Variants in PDE4D observed in about 807,000 individuals in gnomAD.
The protein encoded by PDE4D is 3',5'-cyclic-AMP phosphodiesterase 4D.
A neutral mutation model predicts 87.4 loss-of-function variants in PDE4D; 24 were observed. The ratio of observed to expected loss-of-function variants is 0.27; its 90% CI spans 0.20 to 0.39. The LOEUF is 0.39. PDE4D is among the 10% of genes least tolerant of loss of function. The pLI, the probability that PDE4D is intolerant of heterozygous loss-of-function variation, is 1.00. For missense variants in PDE4D, 714 were observed against 1,041.0 expected (o/e 0.69, Z 4.32); for synonymous variants, 384 against 383.2 (o/e 1.00, Z -0.02).
At chr5:60,231,548 A>G (rs1007321059) in intron 1 of PDE4D, among the ~76,000 whole-genome samples, 1 of 151,976 alleles carries the variant, frequency 6.6e-6, no homozygotes, top group Admixed American at 6.6e-5. Flanking sequence ...GATCCATTTA[A>G]GTTGGATTAT....
intron 1 of PDE4D, among the ~76,000 whole-genome samples, chr5:59,259,735 T>C (rs1206845652): frequency 6.6e-6 from 1 of 151,860 alleles, no homozygotes; most frequent in African/African-American, 2.4e-5. Flanking sequence ...ATGTTCTATT[T>C]ACCCATCAAA....
intron 5 of PDE4D, among the ~76,000 whole-genome samples, chr5:59,140,181 C>T (rs1256247114): frequency 6.6e-6 from 1 of 152,216 alleles, no homozygotes; most frequent in Non-Finnish European, 1.5e-5. Flanking sequence ...GGACATCATA[C>T]TTCTCAAGGG....
chr5:59,848,346 G>A (rs986400), intron 1 of PDE4D, among the ~76,000 whole-genome samples: 34,050 of 151,818 alleles, frequency 0.22, 4,892 homozygotes, highest in Admixed American at 0.34. Context: ...CTGTTTCATT[G>A]TCTTCATAGC....
chr5:59,176,434 A>G (rs1359790918), intron 5 of PDE4D, among the ~76,000 whole-genome samples: 1 of 152,006 alleles, frequency 6.6e-6, no homozygotes, highest in East Asian at 1.9e-4. Context: ...GGCATCTGTA[A>G]TCCCAGCTAC....
chr5:59,605,993 T>C lies in PDE4D; in HGVS notation c.455+287175A>G, dbSNP rs186036299. On this transcript the variant is annotated intron_variant, in intron 1 of 14. Coordinates refer to ENST00000340635, the MANE Select transcript of PDE4D (RefSeq NM_001104631.2). ...TTTAAAAATAAAATAGTACCTTCTT[T>C]TTCAGGGAGAACTATACTAAATAAG... Among the ~76,000 whole-genome samples, 21 of 152,146 alleles carry C rather than the reference T, an allele frequency of 1.4e-4. No homozygotes were observed. The East Asian group carries it at 4.1e-3, about 29-fold the overall frequency.
At chr5:59,721,975 C>G (rs996415870) in intron 1 of PDE4D, among the ~76,000 whole-genome samples, 1 of 152,108 alleles carries the variant, frequency 6.6e-6, no homozygotes, top group Non-Finnish European at 1.5e-5. Flanking sequence ...ACAAGCCCAG[C>G]CTTTTGACAG....
At chr5:59,162,760 T>G (rs1581136956) in intron 5 of PDE4D, among the ~76,000 whole-genome samples, 2 of 146,480 alleles carry the variant, frequency 1.4e-5, no homozygotes, top group Admixed American at 7.0e-5. Flanking sequence ...GAGGATGAGG[T>G]GGGAGGATTG....
At chr5:58,980,768 C>G (rs1270252458) in intron 11 of PDE4D, among the ~76,000 whole-genome samples, 1 of 152,114 alleles carries the variant, frequency 6.6e-6, no homozygotes, top group Non-Finnish European at 1.5e-5. Context: ...CTGTATTAAT[C>G]ATGGTTCTCC....
At chr5:59,661,791 A>G in intron 1 of PDE4D, among the ~76,000 whole-genome samples, 1 of 152,218 alleles carries the variant, frequency 6.6e-6, no homozygotes, top group Non-Finnish European at 1.5e-5. Context: ...TTCATTTCAC[A>G]CAGGAAAGAA....
intron 6 of PDE4D, among the ~76,000 whole-genome samples, chr5:59,027,907 T>G (rs776380117): frequency 6.6e-6 from 1 of 151,962 alleles, no homozygotes; most frequent in African/African-American, 2.4e-5. Flanking sequence ...TCTCGGCTGA[T>G]AGAGCAAGGA....
At chr5:59,770,957 C>A (rs1005691435) in intron 1 of PDE4D, among the ~76,000 whole-genome samples, 1 of 151,864 alleles carries the variant, frequency 6.6e-6, no homozygotes, top group Non-Finnish European at 1.5e-5. Flanking sequence ...CATAGCAAGA[C>A]CCCGTCTCTA....
At chr5:60,050,098 C>T (rs1181804774) in intron 2 of PDE4D, among the ~76,000 whole-genome samples, 1 of 152,214 alleles carries the variant, frequency 6.6e-6, no homozygotes, top group East Asian at 1.9e-4. Context: ...CAGAAAAGCG[C>T]AGTATTCAGG....
At chr5:59,514,225 C>A (rs1810767585) in intron 1 of PDE4D, among the ~76,000 whole-genome samples, 1 of 151,914 alleles carries the variant, frequency 6.6e-6, no homozygotes, top group Non-Finnish European at 1.5e-5. Flanking sequence ...CCTGCCTCAG[C>A]CTCCCGAGTA....
At chr5:60,286,469 A>G (rs763839823) in intron 1 of PDE4D, among the ~76,000 whole-genome samples, 3 of 151,858 alleles carry the variant, frequency 2.0e-5, no homozygotes, top group Non-Finnish European at 4.4e-5. Flanking sequence ...TAAATTGCCA[A>G]CTAGAGTAAG....
intron 1 of PDE4D, among the ~76,000 whole-genome samples, chr5:60,482,452 C>T (rs1468033282): frequency 2.6e-5 from 4 of 152,194 alleles, no homozygotes; most frequent in Non-Finnish European, 5.9e-5. Flanking sequence ...CCCAGCTTCC[C>T]TTTCACTATA....
At chr5:59,707,831 T>C (rs928476969) in intron 1 of PDE4D, among the ~76,000 whole-genome samples, 13 of 152,206 alleles carry the variant, frequency 8.5e-5, no homozygotes, top group African/African-American at 3.1e-4. Flanking sequence ...GGTGTGTATG[T>C]ACCACATTTT....
At chr5:60,121,726 C>G (rs1582762426) in intron 2 of PDE4D, among the ~76,000 whole-genome samples, 1 of 152,124 alleles carries the variant, frequency 6.6e-6, no homozygotes, top group South Asian at 2.1e-4. Flanking sequence ...ATAATTCCCC[C>G]CTGGGCCCTC....
Position 60,053,982 on chromosome 5 carries a change from G to A in PDE4D, c.43-65265C>T, listed in dbSNP as rs148730536. ...GACAAATGCAAATCAAAACCACAAT[G>A]AGATACCATCTCATGCCAGTTAGAA... is the stretch of plus-strand genomic sequence containing the variant. On this transcript the variant is annotated intron_variant, in intron 2 of 16. Transcript: ENST00000502484. 8.4e-3 allele frequency among the ~76,000 whole-genome samples: 1,283 copies of A among 152,262 alleles called. 14 individuals are homozygous for A. Among genetic ancestry groups the A allele is most frequent in the African/African-American group, 0.029 (1,186 of 41,548 alleles).
chr5:59,892,825 T>C (rs917071898), intron 1 of PDE4D, among the ~76,000 whole-genome samples: 9 of 151,542 alleles, frequency 5.9e-5, no homozygotes, highest in African/African-American at 2.2e-4. Context: ...TTAGTCTCAC[T>C]AGCCAGGGTG....
Sources: allele counts gnomAD v4.1 joint callset (sites outside exome capture counted in the v4.1 genomes callset), GRCh38; gene constraint gnomAD v4.1.1; transcripts MANE v1.5; gene names NCBI Gene and HGNC (gene_info 2026-07-23, HGNC 2026-07-21).